ESR1: variants seen among roughly 807,000 people sequenced by gnomAD.
The protein encoded by ESR1 is estrogen receptor.
In ESR1, 12 loss-of-function variants were observed where a neutral mutation model predicts 52.7. That is an observed-to-expected ratio of 0.23 (90% CI 0.15 to 0.37). ESR1 has a LOEUF of 0.37. Ranked by LOEUF, ESR1 falls within the 10% of genes least tolerant of loss-of-function variation. The pLI is 1.00. For missense variants in ESR1, 584 were observed against 779.7 expected, an observed-to-expected ratio of 0.75 and a Z score of 2.99; for synonymous variants, 305 against 316.8, an observed-to-expected ratio of 0.96 and a Z score of 0.39.
chr6:151,997,234 T>A, intron 4 of ESR1, among the ~76,000 whole-genome samples: 1 of 152,134 alleles, frequency 6.6e-6, no homozygotes, highest in East Asian at 1.9e-4. Context: ...GGCTTCTGAA[T>A]TTTCTAAAAA....
chr6:152,083,717 G>T (rs149223465), intron 6 of ESR1, among the ~76,000 whole-genome samples: 1 of 152,216 alleles, frequency 6.6e-6, no homozygotes, highest in East Asian at 1.9e-4. Flanking sequence ...CTGACAAAGG[G>T]CTAATATCTT....
chr6:151,887,615 T>C (rs962671385), intron 3 of ESR1, among the ~76,000 whole-genome samples: 1 of 152,102 alleles, frequency 6.6e-6, no homozygotes, highest in Non-Finnish European at 1.5e-5. Context: ...GGAACACAGT[T>C]TGCAAGCCAC....
rs544858780 is a variant in ESR1 at position 151,936,502 on chromosome 6, G to T, written c.761-7671G>T. On this transcript the variant is annotated intron_variant, in intron 3 of 7. Coordinates refer to ENST00000206249, the MANE Select transcript of ESR1 (RefSeq NM_000125.4). ...GCAAAACTCTAGAAGAAGAAACTAA[G>T]AATTTCAAATTGACAGTTTGTTAAT... 1.4e-4 allele frequency among the ~76,000 whole-genome samples: 21 copies of T among 152,250 alleles called. No homozygotes were observed. The South Asian group carries it at 4.4e-3, about 32-fold the overall frequency.
intron 2 of ESR1, among the ~76,000 whole-genome samples, chr6:151,785,052 A>G (rs1433926288): frequency 6.6e-6 from 1 of 152,254 alleles, no homozygotes; most frequent in Non-Finnish European, 1.5e-5. Context: ...ATTTAAGCCA[A>G]TCAGTCAACT....
chr6:151,827,385 AGTT>A (rs1253398507), intron 1 of ESR1, among the ~76,000 whole-genome samples: 1 of 151,538 alleles, frequency 6.6e-6, no homozygotes, highest in African/African-American at 2.4e-5. Context: ...AAAAAAAAGA[AGTT>A]GGAGGTGAGT....
intron 3 of ESR1, among the ~76,000 whole-genome samples, chr6:151,916,624 A>G (rs9322343): frequency 0.064 from 9,805 of 152,184 alleles, 546 homozygotes; most frequent in East Asian, 0.17. Context: ...AAACTTTGTG[A>G]TGATTCAGGC....
chr6:151,777,278 T>A (rs1244504192), intron 2 of ESR1, among the ~76,000 whole-genome samples: 1 of 151,686 alleles, frequency 6.6e-6, no homozygotes, highest in Non-Finnish European at 1.5e-5. Context: ...CCACCAAGCC[T>A]GGCTAATTTT....
intron 5 of ESR1, among the ~76,000 whole-genome samples, chr6:152,054,787 T>C (rs2046969735): frequency 6.6e-6 from 1 of 152,230 alleles, no homozygotes; most frequent in South Asian, 2.1e-4. Context: ...TCAATCTTCC[T>C]GGAAATTCCT....
upstream of ESR1, chr6:151,805,899 C>T (rs1026284779): frequency 6.6e-6 from 1 of 152,158 alleles, no homozygotes; most frequent in African/African-American, 2.4e-5. Flanking sequence ...GTGTCTGTAT[C>T]CTAGCAGGGA....
intron 5 of ESR1, among the ~76,000 whole-genome samples, chr6:152,014,680 C>T (rs2043032618): frequency 6.6e-6 from 1 of 152,144 alleles, no homozygotes; most frequent in South Asian, 2.1e-4. Flanking sequence ...GACCTCCCCT[C>T]TATCCCCATT....
intron 3 of ESR1, among the ~76,000 whole-genome samples, chr6:151,934,824 T>A (rs2034155512): frequency 6.6e-6 from 1 of 152,224 alleles, no homozygotes; most frequent in African/African-American, 2.4e-5. Context: ...TAGCTGATAA[T>A]TCCAGCAATT....
At chr6:152,013,529 A>G (rs2042942227) in intron 5 of ESR1, among the ~76,000 whole-genome samples, 1 of 152,154 alleles carries the variant, frequency 6.6e-6, no homozygotes. Context: ...GATACATATA[A>G]TGTGTGGTGA....
At chr6:152,097,196 GTAA>G (rs2050683600) in intron 7 of ESR1, among the ~76,000 whole-genome samples, 1 of 151,442 alleles carries the variant, frequency 6.6e-6, no homozygotes, top group Non-Finnish European at 1.5e-5. Flanking sequence ...ACACACAATT[GTAA>G]TAATAATAAT....
chr6:151,844,968 A>G (rs184484838), intron 2 of ESR1, among the ~76,000 whole-genome samples: 51 of 152,318 alleles, frequency 3.3e-4, no homozygotes, highest in Middle Eastern at 6.8e-3. Flanking sequence ...AAAACAATAG[A>G]GAGATGTAAG....
chr6:152,089,228 A>T (rs986091900), intron 6 of ESR1, among the ~76,000 whole-genome samples: 1 of 152,240 alleles, frequency 6.6e-6, no homozygotes, highest in African/African-American at 2.4e-5. Flanking sequence ...TGGACTTCTT[A>T]TCATGTTACA....
At chr6:152,055,548 G>A (rs528442379) in intron 5 of ESR1, among the ~76,000 whole-genome samples, 19 of 152,130 alleles carry the variant, frequency 1.2e-4, no homozygotes, top group East Asian at 1.9e-4. Context: ...ACTTTTCATC[G>A]CTTAATATTT....
chr6:152,034,736 A>G (rs1173828754), intron 5 of ESR1, among the ~76,000 whole-genome samples: 1 of 152,216 alleles, frequency 6.6e-6, no homozygotes, highest in Non-Finnish European at 1.5e-5. Context: ...AAGTGCCACA[A>G]AGAGCCGAAT....
intron 6 of ESR1, among the ~76,000 whole-genome samples, chr6:152,113,739 G>A (rs769724938): frequency 2.0e-5 from 3 of 152,118 alleles, no homozygotes; most frequent in Non-Finnish European, 4.4e-5. Flanking sequence ...CTAGAGGAAC[G>A]ACTAAAATAG....
chr6:151,925,122 G>GTTTTTTTTTTTTT lies in ESR1; in HGVS notation c.761-19051_761-19050insTTTTTTTTTTTTT, dbSNP rs1210135856. ...TTTCTCCATAACCTCCCCAGCATCT[G>GTTTTTTTTTTTTT]GTTTTTTTTGTTTGTTTGTTTGTTT... On this transcript the variant is annotated intron_variant, in intron 3 of 7. Transcript: ENST00000206249. Among the ~76,000 whole-genome samples, 8 of 38,736 alleles carry GTTTTTTTTTTTTT rather than the reference G, an allele frequency of 2.1e-4. No individual in the cohort carries two copies. The East Asian group carries it at 2.4e-3, about 11-fold the overall frequency. 25.4% of individuals were successfully genotyped at this position (38,736 alleles called of 152,430 possible). A position where few individuals can be genotyped will look rare whatever the true frequency, so the allele number is the denominator to read the frequency against.
Sources: allele counts gnomAD v4.1 joint callset (sites outside exome capture counted in the v4.1 genomes callset), GRCh38; gene constraint gnomAD v4.1.1; transcripts MANE v1.5; gene names NCBI Gene and HGNC (gene_info 2026-07-23, HGNC 2026-07-21).